CADM1: variants seen among roughly 807,000 people sequenced by gnomAD.
CADM1 encodes TSLC-1.
CADM1 carries 15 observed loss-of-function variants against 53.1 expected under a neutral mutation model. That is an observed-to-expected ratio of 0.28 (90% CI 0.19 to 0.44). The LOEUF is 0.44. Among genes scored for constraint, CADM1 ranks in the 20% least tolerant of loss-of-function variants. CADM1 has a pLI of 1.00. For missense variants in CADM1, 434 were observed against 611.3 expected (o/e 0.71, Z 3.06); for synonymous variants, 281 against 243.0 (o/e 1.16, Z -1.45).
At chr11:115,338,173 G>A (rs547653675) in intron 1 of CADM1, among the ~76,000 whole-genome samples, 32 of 152,154 alleles carry the variant, frequency 2.1e-4, no homozygotes, top group African/African-American at 7.5e-4. Context: ...ACACATGTAC[G>A]GTGTTACTAT....
intron 1 of CADM1, among the ~76,000 whole-genome samples, chr11:115,271,277 T>TG: frequency 6.6e-6 from 1 of 151,948 alleles, no homozygotes; most frequent in South Asian, 2.1e-4. Context: ...TTGTTGTTGT[T>TG]TTGTTGTTGT....
chr11:115,362,859 C>A (rs535185450), intron 1 of CADM1, among the ~76,000 whole-genome samples: 21 of 152,302 alleles, frequency 1.4e-4, no homozygotes, highest in African/African-American at 5.1e-4. Context: ...ATTACTTTTA[C>A]AAATCCAATG....
chr11:115,295,035 G>A (rs1341032484), intron 1 of CADM1, among the ~76,000 whole-genome samples: 2 of 152,030 alleles, frequency 1.3e-5, no homozygotes, highest in Admixed American at 6.6e-5. Flanking sequence ...GTGAAACTCA[G>A]TCTCAACAAC....
At chr11:115,250,712 CTTCT>C (rs932571393) in intron 1 of CADM1, among the ~76,000 whole-genome samples, 1 of 152,150 alleles carries the variant, frequency 6.6e-6, no homozygotes, top group African/African-American at 2.4e-5. Flanking sequence ...AGGCGCTATG[CTTCT>C]TTTTTTTCCC....
chr11:115,185,445 G>A (rs1256386372), intron 10 of CADM1, among the ~76,000 whole-genome samples: 1 of 152,230 alleles, frequency 6.6e-6, no homozygotes, highest in Non-Finnish European at 1.5e-5. Flanking sequence ...GGTGAAGGCC[G>A]TCTGATTCAG....
intron 1 of CADM1, among the ~76,000 whole-genome samples, chr11:115,455,327 A>G (rs1948659769): frequency 1.3e-5 from 2 of 151,948 alleles, no homozygotes; most frequent in Non-Finnish European, 2.9e-5. Context: ...GAGTTTTGGG[A>G]AAAAAAGAAA....
At chr11:115,206,551 C>A (rs1331429856) in intron 8 of CADM1, among the ~76,000 whole-genome samples, 1 of 152,088 alleles carries the variant, frequency 6.6e-6, no homozygotes, top group Admixed American at 6.5e-5. Flanking sequence ...ACAAGGGGAA[C>A]AATTTGATTA....
At chr11:115,338,876 T>TA (rs1945338932) in intron 1 of CADM1, among the ~76,000 whole-genome samples, 1 of 84,444 alleles carries the variant, frequency 1.2e-5, no homozygotes, top group Non-Finnish European at 2.5e-5. Context: ...TTATTTTTTT[T>TA]ATTTTTTTTT....
chr11:115,458,187 T>C (rs188313774), intron 1 of CADM1, among the ~76,000 whole-genome samples: 36 of 152,174 alleles, frequency 2.4e-4, no homozygotes, highest in African/African-American at 7.9e-4. Flanking sequence ...TAAATGCTCA[T>C]ATGTAGTGAG....
chr11:115,369,516 G>C (rs967363798), intron 1 of CADM1, among the ~76,000 whole-genome samples: 53 of 152,070 alleles, frequency 3.5e-4, no homozygotes, highest in Admixed American at 1.2e-3. Flanking sequence ...AAGCCGGGAA[G>C]AAAAATATCT....
rs545575659 is a variant in CADM1, at chr11:115,206,332, C to G, written c.1078+3242G>C. Among the ~76,000 whole-genome samples, 300 of 152,276 alleles carry G rather than the reference C, an allele frequency of 2.0e-3. 1 individual carries two copies. The highest frequency in any genetic ancestry group is 3.8e-3 in the Admixed American group (58 of 15,288). On this transcript the variant is annotated intron_variant, in intron 8 of 11. Coordinates refer to ENST00000331581, the MANE Select transcript of CADM1 (RefSeq NM_001301043.2). ...GGCCACATTTAGATGTGTGCCTTCA[C>G]GTGTAACTCTCCAGACCTGCTCCGT...
intron 1 of CADM1, among the ~76,000 whole-genome samples, chr11:115,490,283 G>T (rs764118725): frequency 6.6e-6 from 1 of 152,058 alleles, no homozygotes; most frequent in African/African-American, 2.4e-5. Flanking sequence ...GATAACAAAG[G>T]AGGGAATTCT....
At chr11:115,423,607 T>C (rs1438308779) in intron 1 of CADM1, among the ~76,000 whole-genome samples, 1 of 152,218 alleles carries the variant, frequency 6.6e-6, no homozygotes, top group Non-Finnish European at 1.5e-5. Flanking sequence ...TATCCTTGCA[T>C]CATAGTTCTT....
chr11:115,190,809 C>T, intron 10 of CADM1, 79 bp downstream of exon 10: 1 of 1,248,044 alleles, frequency 8.0e-7, no homozygotes, highest in Admixed American at 2.0e-5. Flanking sequence ...CTCAGCAAAC[C>T]AAATGGCCAT....
intron 1 of CADM1, among the ~76,000 whole-genome samples, chr11:115,480,436 T>A: frequency 6.6e-6 from 1 of 152,184 alleles, no homozygotes; most frequent in Admixed American, 6.5e-5. Context: ...TCATTCACTT[T>A]TCTGAGCTGG....
intron 8 of CADM1, among the ~76,000 whole-genome samples, chr11:115,202,074 C>T (rs952970002): frequency 4.0e-5 from 6 of 151,840 alleles, no homozygotes; most frequent in African/African-American, 1.5e-4. Flanking sequence ...TTTATCAGAC[C>T]CCATCTTGAA....
At chr11:115,236,389 T>C (rs1441703954) in intron 3 of CADM1, among the ~76,000 whole-genome samples, 1 of 152,150 alleles carries the variant, frequency 6.6e-6, no homozygotes, top group Non-Finnish European at 1.5e-5. Context: ...TAGAGTAAAT[T>C]AAATGGAAAG....
chr11:115,179,643 G>T (rs1188533324), intron 10 of CADM1, among the ~76,000 whole-genome samples: 1 of 152,050 alleles, frequency 6.6e-6, no homozygotes, highest in African/African-American at 2.4e-5. Flanking sequence ...TGGCATTTGA[G>T]ATTTATAATG....
At chr11:115,434,654 G>C (rs903690128) in intron 1 of CADM1, among the ~76,000 whole-genome samples, 2 of 152,016 alleles carry the variant, frequency 1.3e-5, no homozygotes, top group African/African-American at 4.8e-5. Context: ...GGGTGTAGTA[G>C]GCATTCAGCA....
Sources: allele counts gnomAD v4.1 joint callset (sites outside exome capture counted in the v4.1 genomes callset), GRCh38; gene constraint gnomAD v4.1.1; transcripts MANE v1.5; gene names NCBI Gene and HGNC (gene_info 2026-07-23, HGNC 2026-07-21).